Variants in GPAT4 observed in about 807,000 individuals in gnomAD.
GPAT4 encodes the protein glycerol-3-phosphate acyltransferase 4, also known as 1-AGP acyltransferase 6.
A neutral mutation model predicts 58.0 loss-of-function variants in GPAT4; 17 were observed. The observed-to-expected ratio is 0.29, with a 90% confidence interval of 0.20 to 0.44. GPAT4 has a LOEUF of 0.44. GPAT4 is among the 20% of genes least tolerant of loss of function. GPAT4 has a pLI of 1.00. For missense variants in GPAT4, 377 were observed against 574.5 expected (o/e 0.66, Z 3.51); for synonymous variants, 204 against 210.1 (o/e 0.97, Z 0.25).
intron 1 of GPAT4, among the ~76,000 whole-genome samples, chr8:41,580,857 T>G (rs771781530): frequency 6.6e-6 from 1 of 152,094 alleles, no homozygotes; most frequent in Non-Finnish European, 1.5e-5. Flanking sequence ...GTGTGAGGAG[T>G]GTTGTGGCTA....
rs1803830236 is a variant in GPAT4, at chr8:41,623,816, T to C, written c.*2815T>C. 6.6e-6 allele frequency: 1 copy of C among 151,982 alleles called. No individual in the cohort carries two copies. The highest frequency in any genetic ancestry group is 6.5e-5 in the Admixed American group (1 of 15,272). 9.4% of individuals were successfully genotyped at this position (151,982 alleles called of 1,614,324 possible). A position where few individuals can be genotyped will look rare whatever the true frequency, so the allele number is the denominator to read the frequency against. On this transcript the variant is annotated 3_prime_UTR_variant, in exon 13 of 13. Transcript: ENST00000396987. ...AGCCTTTTTTACTCAAACATGAGAC[T>C]TTCCACCCACCAGTTAGGGAACTTT...
chr8:41,592,579 G>A (rs1359996453), intron 1 of GPAT4, among the ~76,000 whole-genome samples: 3 of 152,030 alleles, frequency 2.0e-5, no homozygotes, highest in South Asian at 2.1e-4. Flanking sequence ...ACTAATTCTC[G>A]GGCTTCTCAT....
chr8:41,598,061 G>A (rs886339447), intron 1 of GPAT4, among the ~76,000 whole-genome samples: 28 of 152,126 alleles, frequency 1.8e-4, no homozygotes, highest in African/African-American at 5.3e-4. Flanking sequence ...TTTGACCACC[G>A]ATCATATCAT....
intron 1 of GPAT4, among the ~76,000 whole-genome samples, chr8:41,580,601 C>G (rs1448866332): frequency 6.6e-6 from 1 of 152,174 alleles, no homozygotes; most frequent in Non-Finnish European, 1.5e-5. Flanking sequence ...CAAGCAAGTC[C>G]TCATGTTAGG....
intron 2 of GPAT4, among the ~76,000 whole-genome samples, chr8:41,601,069 C>G (rs1398480775): frequency 1.3e-5 from 2 of 152,126 alleles, no homozygotes; most frequent in African/African-American, 4.8e-5. Context: ...AATAGTGCTG[C>G]TGTGGACCTG....
intron 2 of GPAT4, among the ~76,000 whole-genome samples, chr8:41,600,614 C>A: frequency 6.7e-6 from 1 of 150,122 alleles, no homozygotes. Context: ...TTTAAGAAAA[C>A]CAAGGGGAAA....
intron 10 of GPAT4, 67 bp downstream of exon 10, chr8:41,615,115 A>C (rs566788339): frequency 7.1e-7 from 1 of 1,400,864 alleles, no homozygotes; most frequent in African/African-American, 1.4e-5. Flanking sequence ...CAGCAGGAGG[A>C]GGTAGAGGAA....
intron 1 of GPAT4, among the ~76,000 whole-genome samples, chr8:41,591,071 C>T (rs1276138551): frequency 6.6e-6 from 1 of 152,082 alleles, no homozygotes; most frequent in African/African-American, 2.4e-5. Flanking sequence ...ATTCCTGTCC[C>T]TTTTAAGGGC....
intron 1 of GPAT4, among the ~76,000 whole-genome samples, chr8:41,597,931 G>A (rs924866755): frequency 1.3e-5 from 2 of 152,240 alleles, no homozygotes; most frequent in Admixed American, 6.5e-5. Flanking sequence ...ACAACCTTTG[G>A]CTGCATCTGT....
At position 41,610,820 on chromosome 8, in the gene GPAT4, G is replaced by C. The variant is rs1382228305; in HGVS notation, c.611+10G>C. On this transcript the variant is annotated intron_variant, in intron 5 of 12. Coordinates refer to ENST00000396987, the MANE Select transcript of GPAT4 (RefSeq NM_178819.4). ...ACTTGCCAAATGGGAGGTGAGTAGA[G>C]TGTGGCAGTCCATGCCTGAAGGACA... is the stretch of plus-strand genomic sequence containing the variant. 1 of 1,603,374 alleles carries C rather than the reference G, an allele frequency of 6.2e-7. No individual in the cohort carries two copies. The highest frequency in any genetic ancestry group is 8.5e-7 in the Non-Finnish European group (1 of 1,174,790).
chr8:41,602,983 C>T (rs759662955), intron 2 of GPAT4, among the ~76,000 whole-genome samples: 1 of 152,120 alleles, frequency 6.6e-6, no homozygotes, highest in East Asian at 1.9e-4. Context: ...GACCTTATCA[C>T]CTCCCAGAGG....
chr8:41,584,286 AC>A (rs1173578715), intron 1 of GPAT4, among the ~76,000 whole-genome samples: 3 of 152,238 alleles, frequency 2.0e-5, no homozygotes, highest in African/African-American at 7.2e-5. Flanking sequence ...ACAAAATGGT[AC>A]AACCCATTTT....
intron 1 of GPAT4, chr8:41,578,585 G>T (rs1802426207): frequency 6.6e-6 from 1 of 152,184 alleles, no homozygotes; most frequent in African/African-American, 2.4e-5. Flanking sequence ...TCCCAGGTGT[G>T]CGCAGCCCTC....
intron 10 of GPAT4, among the ~76,000 whole-genome samples, chr8:41,617,171 G>A (rs992279861): frequency 6.6e-6 from 1 of 152,138 alleles, no homozygotes; most frequent in African/African-American, 2.4e-5. Flanking sequence ...AGGCAAGCCT[G>A]GCCAATATGG....
At chr8:41,583,203 C>A (rs1389348713) in intron 1 of GPAT4, among the ~76,000 whole-genome samples, 3 of 151,662 alleles carry the variant, frequency 2.0e-5, no homozygotes, top group African/African-American at 7.3e-5. Flanking sequence ...CCAGCCTGGG[C>A]CACAAAATGA....
chr8:41,595,666 C>T (rs182499563), intron 1 of GPAT4, among the ~76,000 whole-genome samples: 2 of 152,228 alleles, frequency 1.3e-5, no homozygotes, highest in Admixed American at 1.3e-4. Context: ...ATAGGGTACA[C>T]TTTTTTTCTT....
At chr8:41,614,165 G>A (rs991496810) in intron 8 of GPAT4, among the ~76,000 whole-genome samples, 3 of 152,204 alleles carry the variant, frequency 2.0e-5, no homozygotes, top group Non-Finnish European at 2.9e-5. Context: ...TGTTCGCACA[G>A]AATTGAACAG....
intron 2 of GPAT4, among the ~76,000 whole-genome samples, chr8:41,605,892 G>T (rs763389829): frequency 3.6e-4 from 55 of 152,288 alleles, no homozygotes; most frequent in Non-Finnish European, 6.5e-4. Flanking sequence ...TTTTGAACAA[G>T]AAAGTGACGT....
rs927362552 is a variant in GPAT4 at position 41,624,501 on chromosome 8, A to G, written c.*3500A>G. On this transcript the variant is annotated 3_prime_UTR_variant, in exon 13 of 13. Transcript: ENST00000396987. ...GATGCATGAAGGATCCCCCCATGTCATAGGTCCCACCTGCCTGCTGTGCAT... is the reference window on the plus strand; with the variant it reads ...GATGCATGAAGGATCCCCCCATGTCGTAGGTCCCACCTGCCTGCTGTGCAT... The G allele has an allele frequency of 6.6e-6, 1 of 152,092 alleles. No homozygotes were observed. The highest frequency in any genetic ancestry group is 1.5e-5 in the Non-Finnish European group (1 of 68,026). The allele number at this position is 152,092 out of a possible 1,614,324, so 9.4% of individuals were successfully genotyped here. A position where few individuals can be genotyped will look rare whatever the true frequency, so the allele number is the denominator to read the frequency against.
Sources: gnomAD v4.1 joint callset for allele counts (sites outside exome capture counted in the v4.1 genomes callset) on GRCh38, gnomAD v4.1.1 for gene constraint, MANE v1.5 for transcripts, NCBI Gene and HGNC (gene_info 2026-07-23, HGNC 2026-07-21) for gene names.